The following ZMYND12 variants were observed in gnomAD, a reference collection of about 807,000 sequenced individuals.
ZMYND12 encodes the protein zinc finger MYND domain-containing protein 12.
Under a neutral mutation model 41.7 loss-of-function variants are expected in ZMYND12, and 32 were observed. The ratio of observed to expected loss-of-function variants is 0.77; its 90% CI spans 0.58 to 1.03. The LOEUF is 1.03. Ranked by LOEUF, ZMYND12 falls within the 50% of genes least tolerant of loss-of-function variation. The probability of loss-of-function intolerance (pLI) is 0.00; values close to 1 mark genes in which losing one functional copy is unlikely to be tolerated. For missense variants in ZMYND12, 424 were observed against 438.5 expected, an observed-to-expected ratio of 0.97 and a Z score of 0.30; for synonymous variants, 148 against 164.8, an observed-to-expected ratio of 0.90 and a Z score of 0.78.
chr1:42,438,941 T>A (rs1642935414), intron 4 of ZMYND12, among the ~76,000 whole-genome samples: 1 of 152,178 alleles, frequency 6.6e-6, no homozygotes, highest in Non-Finnish European at 1.5e-5. Flanking sequence ...ACCCCTTAAA[T>A]TTTGAAAGAA....
At chr1:42,455,098 T>C (rs1425285261) in intron 1 of ZMYND12, among the ~76,000 whole-genome samples, 1 of 152,198 alleles carries the variant, frequency 6.6e-6, no homozygotes, top group Non-Finnish European at 1.5e-5. Context: ...CACTGACTGC[T>C]CCCTCCACTA....
intron 3 of ZMYND12, among the ~76,000 whole-genome samples, chr1:42,442,838 G>C (rs1570351805): frequency 1.3e-5 from 2 of 152,240 alleles, no homozygotes; most frequent in African/African-American, 4.8e-5. Context: ...CCTGATGGAA[G>C]GTCAAAGTGC....
At chr1:42,451,965 T>G (rs1197192601) in intron 1 of ZMYND12, among the ~76,000 whole-genome samples, 1 of 152,164 alleles carries the variant, frequency 6.6e-6, no homozygotes, top group Non-Finnish European at 1.5e-5. Flanking sequence ...TAACACAGGG[T>G]CAGGGATAAA....
rs533326037 is a variant in ZMYND12 at position 42,441,782 on chromosome 1, G to A, written c.425-1757C>T. On this transcript the variant is annotated intron_variant, in intron 3 of 7. Coordinates refer to ENST00000372565, the MANE Select transcript of ZMYND12 (RefSeq NM_032257.5). ...ACTACAGGCGCCCGCCACTACGCCC[G>A]GCTAATTTTTTGTATTTTTAGTAGA... Among the ~76,000 whole-genome samples, 101 of 151,910 alleles carry A rather than the reference G, an allele frequency of 6.6e-4. 2 individuals are homozygous for A. The highest frequency in any genetic ancestry group is 1.6e-3 in the African/African-American group (65 of 41,428).
chr1:42,451,912 T>C (rs954891677), intron 1 of ZMYND12, among the ~76,000 whole-genome samples: 4 of 152,162 alleles, frequency 2.6e-5, no homozygotes, highest in African/African-American at 9.7e-5. Flanking sequence ...TATTTATATA[T>C]TTGCGGGCTC....
chr1:42,441,633 T>C (rs1305817283), intron 3 of ZMYND12, among the ~76,000 whole-genome samples: 7 of 152,088 alleles, frequency 4.6e-5, no homozygotes, highest in Non-Finnish European at 1.0e-4. Flanking sequence ...TTTGTTTTGT[T>C]TTTTTGAGAC....
At chr1:42,436,599 G>A in intron 4 of ZMYND12, 56 bp from the exon 5 acceptor site, 1 of 1,591,772 alleles carries the variant, frequency 6.3e-7, no homozygotes, top group Non-Finnish European at 8.6e-7. Flanking sequence ...TCATATATCT[G>A]ATAAAGGACT....
chr1:42,438,332 A>G (rs192798725), intron 4 of ZMYND12, among the ~76,000 whole-genome samples: 2 of 152,334 alleles, frequency 1.3e-5, no homozygotes, highest in Admixed American at 1.3e-4. Flanking sequence ...GAAAAGCCCT[A>G]CGAGTAAAAC....
At chr1:42,453,354 T>G (rs1643107416) in intron 1 of ZMYND12, among the ~76,000 whole-genome samples, 1 of 152,344 alleles carries the variant, frequency 6.6e-6, no homozygotes, top group South Asian at 2.1e-4. Flanking sequence ...TTTTTATTTT[T>G]TGGCCCAAGG....
chr1:42,435,173 T>A, intron 6 of ZMYND12, 101 bp downstream of exon 6: 1 of 863,178 alleles, frequency 1.2e-6, no homozygotes, highest in Non-Finnish European at 1.9e-6. Context: ...GGCAATGGTG[T>A]GCTTCATGAC....
At chr1:42,442,848 C>A (rs941875866) in intron 3 of ZMYND12, among the ~76,000 whole-genome samples, 1 of 152,138 alleles carries the variant, frequency 6.6e-6, no homozygotes, top group Non-Finnish European at 1.5e-5. Context: ...GGTCAAAGTG[C>A]AAACTAAAAT....
At chr1:42,449,881 C>T in intron 2 of ZMYND12, 37 bp downstream of exon 2, 2 of 1,603,798 alleles carry the variant, frequency 1.2e-6, no homozygotes, top group Non-Finnish European at 8.5e-7. Flanking sequence ...CTTCACCGCA[C>T]CTACGACTTA....
Position 42,446,635 on chromosome 1 carries a change from G to C in ZMYND12, c.424+1832C>G, listed in dbSNP as rs561381877. Among the ~76,000 whole-genome samples, 11 of 144,896 alleles carry C rather than the reference G, an allele frequency of 7.6e-5. No individual in the cohort carries two copies. The South Asian group carries it at 2.4e-3, about 32-fold the overall frequency. The stretch of plus-strand genomic sequence containing the variant: ...CCACTGCACTCTAGCCTGGGTGACA[G>C]AGTGAGACTCGGTCTCAAAAAAAAA... On this transcript the variant is annotated intron_variant, in intron 3 of 7. Coordinates refer to ENST00000372565, the MANE Select transcript of ZMYND12 (RefSeq NM_032257.5).
At position 42,435,388 on chromosome 1, in the gene ZMYND12, G is replaced by A; in HGVS notation, c.718-3C>T. The A allele has an allele frequency of 6.2e-7, 1 of 1,605,850 alleles. No homozygotes were observed. Among genetic ancestry groups the A allele is most frequent in the Non-Finnish European group, 8.5e-7 (1 of 1,172,702 alleles). Reference sequence around the variant, plus strand: ...TATGCATGCCAGATCTCAGAGACCTGTTGGGAAAAGAGATGGTAATACAAC... The same window carrying A: ...TATGCATGCCAGATCTCAGAGACCTATTGGGAAAAGAGATGGTAATACAAC... On this transcript the variant is annotated splice_region_variant and splice_polypyrimidine_tract_variant and intron_variant, in intron 5 of 7. Coordinates refer to ENST00000372565, the MANE Select transcript of ZMYND12 (RefSeq NM_032257.5).
chr1:42,436,508 G>A lies in ZMYND12; in HGVS notation c.630C>T (p.Asp210=). The A allele has an allele frequency of 5.6e-6, 9 of 1,613,606 alleles. No individual in the cohort carries two copies. The highest frequency in any genetic ancestry group is 7.6e-6 in the Non-Finnish European group (9 of 1,179,608). Residue 210 remains aspartate, a synonymous_variant, in exon 5 of 8, where the codon GAC becomes GAT. Coordinates refer to ENST00000372565, the MANE Select transcript of ZMYND12 (RefSeq NM_032257.5). The stretch of plus-strand genomic sequence containing the variant: ...GGAAGTAGCCTCCTGAAGTCCTAAT[G>A]TCCTCTGTTCCAAATGCACAACTGG... ...YFASCAFGTE[D]IRTSGGYFHL...
intron 4 of ZMYND12, among the ~76,000 whole-genome samples, chr1:42,438,107 C>T (rs982026147): frequency 6.6e-6 from 1 of 152,216 alleles, no homozygotes; most frequent in South Asian, 2.1e-4. Context: ...CCACACCTGG[C>T]CTACTAATTC....
In ZMYND12 at chr1:42,433,184, T is replaced by C. The variant is rs1211590512; in HGVS notation, c.934A>G (p.Ile312Val). 1 of 1,609,898 alleles carries C rather than the reference T, an allele frequency of 6.2e-7. No individual in the cohort carries two copies. Reference protein sequence around the residue: ...APQKTIFVLKILVMFYYLMMN... With the variant: ...APQKTIFVLKVLVMFYYLMMN... ...ATCAGGTAGTAAAACATGACCAGGA[T>C]CTTCAGAACAAAGATGGTTTTTTGG... Residue 312 changes from isoleucine (I) to valine (V), a missense_variant, in exon 7 of 8, where the codon ATC becomes GTC. Ile to Val is a conservative substitution (Grantham distance 29). Transcript: ENST00000372565.
chr1:42,441,257 T>C (rs1014560343), intron 3 of ZMYND12, among the ~76,000 whole-genome samples: 2 of 152,050 alleles, frequency 1.3e-5, no homozygotes, highest in Non-Finnish European at 2.9e-5. Flanking sequence ...GTTTTCCAGG[T>C]AGATAAGGCA....
At chr1:42,452,050 TATC>T (rs1643088422) in intron 1 of ZMYND12, among the ~76,000 whole-genome samples, 1 of 152,204 alleles carries the variant, frequency 6.6e-6, no homozygotes, top group African/African-American at 2.4e-5. Flanking sequence ...GTTTGGCTAT[TATC>T]ATGTTTTTTT....
Sources: gnomAD v4.1 joint callset for allele counts (sites outside exome capture counted in the v4.1 genomes callset) on GRCh38, gnomAD v4.1.1 for gene constraint, MANE v1.5 for transcripts, NCBI Gene and HGNC (gene_info 2026-07-23, HGNC 2026-07-21) for gene names.